Variants in AAGAB observed in about 807,000 individuals in gnomAD.
The protein encoded by AAGAB is alpha- and gamma-adaptin-binding protein p34.
AAGAB carries 38 observed loss-of-function variants against 44.1 expected under a neutral mutation model. The ratio of observed to expected loss-of-function variants is 0.86; its 90% CI spans 0.67 to 1.13. The LOEUF (loss-of-function observed/expected upper bound fraction) is 1.13. Ranked by LOEUF, AAGAB falls within the 50% of genes most tolerant of loss-of-function variation. AAGAB has a pLI of 0.00. For synonymous variants in AAGAB, 131 were observed against 131.8 expected (o/e 0.99, Z 0.04); for missense variants, 450 against 373.8 (o/e 1.20, Z -1.68).
chr15:67,235,673 C>T (rs1964444426), intron 4 of AAGAB, among the ~76,000 whole-genome samples: 1 of 152,154 alleles, frequency 6.6e-6, no homozygotes, highest in Admixed American at 6.5e-5. Flanking sequence ...GTCTAACTCT[C>T]CTTCTTCAGC....
chr15:67,232,121 G>A (rs536725304), intron 4 of AAGAB, among the ~76,000 whole-genome samples: 1 of 151,928 alleles, frequency 6.6e-6, no homozygotes, highest in Non-Finnish European at 1.5e-5. Flanking sequence ...AGGCGTGGTG[G>A]CGCATGCATG....
At chr15:67,224,066 TCA>T (rs1964144375) in intron 5 of AAGAB, among the ~76,000 whole-genome samples, 1 of 152,226 alleles carries the variant, frequency 6.6e-6, no homozygotes, top group South Asian at 2.1e-4. Context: ...AAATCACTTA[TCA>T]TCTCCTAATA....
rs866984577 is a variant in AAGAB, at chr15:67,216,457, A to C, written c.536-6913T>G. ...ACTCACTCTTGAAAAAAAAAAAAAA[A>C]AAAAAAAAAAACAAGAAGAAAATTA... is the stretch of plus-strand genomic sequence containing the variant. On this transcript the variant is annotated intron_variant, in intron 5 of 9. Coordinates refer to ENST00000261880, the MANE Select transcript of AAGAB (RefSeq NM_024666.5). Among the ~76,000 whole-genome samples, 1,068 of 147,948 alleles carry C rather than the reference A, an allele frequency of 7.2e-3. 15 individuals are homozygous for C. The highest frequency in any genetic ancestry group is 0.024 in the African/African-American group (973 of 40,442).
At chr15:67,254,884 C>A, upstream of AAGAB, 3 of 1,613,260 alleles carry the variant, frequency 1.9e-6, no homozygotes, top group Non-Finnish European at 1.7e-6. Context: ...GGTAGCCGTT[C>A]CCTGACCTAG....
At chr15:67,229,222 A>G (rs989468797) in intron 5 of AAGAB, among the ~76,000 whole-genome samples, 1 of 152,178 alleles carries the variant, frequency 6.6e-6, no homozygotes, top group South Asian at 2.1e-4. Context: ...TCACGAGGTC[A>G]AGAGTTCAAG....
At chr15:67,242,002 C>T (rs970255041) in intron 1 of AAGAB, among the ~76,000 whole-genome samples, 4 of 152,138 alleles carry the variant, frequency 2.6e-5, no homozygotes, top group Non-Finnish European at 5.9e-5. Context: ...TAGGAGGCAG[C>T]AGAGTCTGAC....
chr15:67,222,242 G>GCACACACACACA lies in AAGAB; in HGVS notation c.535+9560_535+9571dup, dbSNP rs370826027. On this transcript the variant is annotated intron_variant, in intron 5 of 9. Coordinates refer to ENST00000261880, the MANE Select transcript of AAGAB (RefSeq NM_024666.5). ...TGCATGCACGCGCACGCGCGCGCGC[G>GCACACACACACA]CACACACACACACACACACACACAC... Among the ~76,000 whole-genome samples the GCACACACACACA allele has an allele frequency of 9.5e-4, 86 of 90,110 alleles. 1 individual carries two copies. Among genetic ancestry groups the GCACACACACACA allele is most frequent in the East Asian group, 3.1e-3 (5 of 1,622 alleles). The allele number at this position is 90,110 out of a possible 152,430, so 59.1% of individuals were successfully genotyped here.
intron 1 of AAGAB, among the ~76,000 whole-genome samples, chr15:67,239,174 TA>T (rs1357049614): frequency 6.6e-6 from 1 of 152,202 alleles, no homozygotes; most frequent in African/African-American, 2.4e-5. Context: ...GTTGTATTGT[TA>T]AAAACTGATA....
rs535921762 is a variant in AAGAB at position 67,250,659 on chromosome 15, T to C, written c.73+3900A>G. ...TGTGAGGTGGAAAGAGCTCTGGCCA[T>C]GGAGTAGATATTTGCTCTCATATCG... is the stretch of plus-strand genomic sequence containing the variant. On this transcript the variant is annotated intron_variant, in intron 1 of 9. Coordinates refer to ENST00000261880, the MANE Select transcript of AAGAB (RefSeq NM_024666.5). Among the ~76,000 whole-genome samples the C allele has an allele frequency of 7.9e-5, 12 of 152,296 alleles. No homozygotes were observed. In the South Asian group the frequency reaches 8.3e-4, roughly 11 times the overall value.
At chr15:67,246,868 G>A (rs889485240) in intron 1 of AAGAB, among the ~76,000 whole-genome samples, 1 of 152,230 alleles carries the variant, frequency 6.6e-6, no homozygotes, top group South Asian at 2.1e-4. Context: ...AGCAGGATGT[G>A]GGCGGGGCCA....
rs1044149416 is a variant in AAGAB, at chr15:67,201,519, C to A, written c.*1302G>T. The A allele has an allele frequency of 1.3e-5, 2 of 152,354 alleles. No homozygotes were observed. The highest frequency in any genetic ancestry group is 2.9e-5 in the Non-Finnish European group (2 of 68,092). The allele number at this position is 152,354 out of a possible 1,614,324, so 9.4% of individuals were successfully genotyped here. A position where few individuals can be genotyped will look rare whatever the true frequency, so the allele number is the denominator to read the frequency against. On this transcript the variant is annotated 3_prime_UTR_variant, in exon 10 of 10. Transcript: ENST00000261880. ...TTTCTGCTCCTAACCCAACCTGTTTCTTTCATGCTGTGTAAATGGTTCTAG... is the reference window on the plus strand; with the variant it reads ...TTTCTGCTCCTAACCCAACCTGTTTATTTCATGCTGTGTAAATGGTTCTAG...
At chr15:67,236,582 G>T (rs746809836) in intron 2 of AAGAB, 48 bp downstream of exon 2, 1 of 1,599,774 alleles carries the variant, frequency 6.3e-7, no homozygotes, top group Non-Finnish European at 8.6e-7. Context: ...AAAAAAGAAG[G>T]CATGCAATAA....
At position 67,202,762 on chromosome 15, in the gene AAGAB, TAG is replaced by T; in HGVS notation, c.*57_*58del. On this transcript the variant is annotated 3_prime_UTR_variant, in exon 10 of 10. Coordinates refer to ENST00000261880, the MANE Select transcript of AAGAB (RefSeq NM_024666.5). The stretch of plus-strand genomic sequence containing the variant: ...TTTGGCAAAATATGACTGGGCTGAG[TAG>T]AGAGGTATCTCAGAGACAGCTAGCA... The T allele has an allele frequency of 6.4e-7, 1 of 1,558,982 alleles. No homozygotes were observed. Among genetic ancestry groups the T allele is most frequent in the East Asian group, 2.2e-5 (1 of 44,606 alleles).
intron 8 of AAGAB, 53 bp from the exon 9 acceptor site, chr15:67,203,650 G>A: frequency 6.8e-7 from 1 of 1,477,928 alleles, no homozygotes. Context: ...GGATAACCTG[G>A]AGTATATGAA....
chr15:67,223,822 T>C (rs888060855), intron 5 of AAGAB, among the ~76,000 whole-genome samples: 2 of 152,206 alleles, frequency 1.3e-5, no homozygotes, highest in African/African-American at 2.4e-5. Flanking sequence ...TGACCTCTCC[T>C]GCTCAGCCAG....
intron 1 of AAGAB, among the ~76,000 whole-genome samples, chr15:67,250,094 G>C (rs1037653605): frequency 6.6e-6 from 1 of 152,144 alleles, no homozygotes; most frequent in Non-Finnish European, 1.5e-5. Flanking sequence ...TTCCTTCTAG[G>C]GAAGTAGAGT....
intron 1 of AAGAB, chr15:67,242,841 A>G (rs1161455202): frequency 6.6e-6 from 1 of 152,204 alleles, no homozygotes; most frequent in Non-Finnish European, 1.5e-5. Flanking sequence ...CTGGAGTAGC[A>G]TAGACTTGCT....
At chr15:67,223,802 G>A (rs149298072) in intron 5 of AAGAB, among the ~76,000 whole-genome samples, 295 of 152,166 alleles carry the variant, frequency 1.9e-3, no homozygotes, top group African/African-American at 6.7e-3. Flanking sequence ...CTAGCCCTTC[G>A]TTACCTCTCT....
chr15:67,209,018 C>T (rs1963748339), intron 6 of AAGAB, among the ~76,000 whole-genome samples: 1 of 152,196 alleles, frequency 6.6e-6, no homozygotes, highest in African/African-American at 2.4e-5. Flanking sequence ...CAATGTGGCA[C>T]TGTATAATTT....
Sources: gnomAD v4.1 joint callset for allele counts (sites outside exome capture counted in the v4.1 genomes callset) on GRCh38, gnomAD v4.1.1 for gene constraint, MANE v1.5 for transcripts, NCBI Gene and HGNC (gene_info 2026-07-23, HGNC 2026-07-21) for gene names.